ZSCAN30: variants seen among roughly 807,000 people sequenced by gnomAD.
ZSCAN30 encodes zinc finger and SCAN domain-containing protein 30.
A neutral mutation model predicts 44.3 loss-of-function variants in ZSCAN30; 37 were observed. The observed-to-expected ratio is 0.84, with a 90% CI of 0.64 to 1.10. The LOEUF (loss-of-function observed/expected upper bound fraction) is 1.10. Ranked by LOEUF, ZSCAN30 falls within the 50% of genes least tolerant of loss-of-function variation. ZSCAN30 has a pLI of 0.00. For missense variants in ZSCAN30, 549 were observed against 582.6 expected, an observed-to-expected ratio of 0.94 and a Z score of 0.59; for synonymous variants, 181 against 204.6, an observed-to-expected ratio of 0.88 and a Z score of 0.98.
chr18:35,267,486 ACCG>A (rs1250844733), intron 1 of ZSCAN30: 1 of 54,272 alleles, frequency 1.8e-5, no homozygotes, highest in Non-Finnish European at 7.4e-5. Flanking sequence ...CCTTCGCTCT[ACCG>A]GCGGCGGCGG....
At chr18:35,263,769 GA>G (rs915717295) in intron 2 of ZSCAN30, 112 bp from the exon 3 acceptor site, 12 of 1,420,618 alleles carry the variant, frequency 8.4e-6, no homozygotes, top group South Asian at 5.4e-5. Context: ...TGATTAGAGA[GA>G]AAAAAAACAG....
At chr18:35,284,681 G>A (rs566035025) in intron 1 of ZSCAN30, 1 of 155,216 alleles carries the variant, frequency 6.4e-6, no homozygotes, top group Non-Finnish European at 1.5e-5. Context: ...GCTGAGGTGG[G>A]GGTGCCTTCC....
intron 3 of ZSCAN30, chr18:35,258,869 CAAAAAAAAAAAAAAAAAAA>C (rs71166053): frequency 2.3e-4 from 7 of 30,638 alleles, no homozygotes; most frequent in South Asian, 2.9e-3. Flanking sequence ...GACTCCATCT[CAAAAAAAAAAAAAAAAAAA>C]AAAAAAAAAA....
rs767525502 is a variant in ZSCAN30 at position 35,251,201 on chromosome 18, T to C, written c.*2249A>G. 4 of 152,136 alleles carry C rather than the reference T, an allele frequency of 2.6e-5. No homozygotes were observed. The highest frequency in any genetic ancestry group is 5.9e-5 in the Non-Finnish European group (4 of 67,998). The allele number at this position is 152,136 out of a possible 1,614,324, so 9.4% of individuals were successfully genotyped here. ...CTAAAAATACTAGGATTGGGAAAAA[T>C]AAACACTAATAGAAAGTACTCCAAA... On this transcript the variant is annotated 3_prime_UTR_variant, in exon 4 of 4. Coordinates refer to ENST00000333206, the MANE Select transcript of ZSCAN30 (RefSeq NM_001112734.4).
In ZSCAN30 at chr18:35,253,744, G is replaced by A; in HGVS notation, c.1191C>T (p.Ser397=). 1 of 1,613,844 alleles carries A rather than the reference G, an allele frequency of 6.2e-7. No individual in the cohort carries two copies. Among genetic ancestry groups the A allele is most frequent in the Non-Finnish European group, 8.5e-7 (1 of 1,179,930 alleles). Residue 397 remains serine (S), a synonymous_variant, in exon 4 of 4, where the codon AGC becomes AGT. Transcript: ENST00000333206. ...CGECGKAFSR[S]SALIQHKKIH... ...TTTTCTTATGCTGAATAAGGGCTGA[G>A]CTCCGGCTGAAGGCCTTCCCACATT...
At chr18:35,266,975 T>C (rs2044166985) in intron 1 of ZSCAN30, 1 of 151,484 alleles carries the variant, frequency 6.6e-6, no homozygotes, top group Non-Finnish European at 1.5e-5. Flanking sequence ...CTTCTCTTAA[T>C]TTTTTAGTGT....
intron 1 of ZSCAN30, among the ~76,000 whole-genome samples, chr18:35,273,179 AT>A (rs1439510170): frequency 6.6e-6 from 1 of 152,164 alleles, no homozygotes; most frequent in Non-Finnish European, 1.5e-5. Context: ...CTCCATACCA[AT>A]TAAACAGTGA....
intron 1 of ZSCAN30, among the ~76,000 whole-genome samples, chr18:35,280,415 C>T (rs942781520): frequency 2.6e-5 from 4 of 152,076 alleles, no homozygotes; most frequent in Non-Finnish European, 5.9e-5. Flanking sequence ...CACATACACA[C>T]ACACACACAA....
Position 35,253,407 on chromosome 18 carries a change from G to T in ZSCAN30, c.*43C>A. 1 of 1,497,246 alleles carries T rather than the reference G, an allele frequency of 6.7e-7. No individual in the cohort carries two copies. The highest frequency in any genetic ancestry group is 1.4e-5 in the South Asian group (1 of 73,538). The allele number at this position is 1,497,246 out of a possible 1,614,324, so 92.7% of individuals were successfully genotyped here. ...TTCTGTGGAGTCTCACCCCTACAGT[G>T]AACTCCTTGCATTTCACAATTGTAC... On this transcript the variant is annotated 3_prime_UTR_variant, in exon 4 of 4. Transcript: ENST00000333206.
intron 1 of ZSCAN30, among the ~76,000 whole-genome samples, chr18:35,271,728 G>A (rs937558566): frequency 6.6e-6 from 1 of 152,226 alleles, no homozygotes; most frequent in Admixed American, 6.5e-5. Flanking sequence ...GGAGGCTCCA[G>A]CTGCGTGGGA....
intron 1 of ZSCAN30, among the ~76,000 whole-genome samples, chr18:35,265,387 A>G (rs1007267131): frequency 1.2e-4 from 19 of 152,180 alleles, no homozygotes; most frequent in African/African-American, 4.1e-4. Flanking sequence ...TATCATCTCA[A>G]TTTTACAAAT....
intron 1 of ZSCAN30, among the ~76,000 whole-genome samples, chr18:35,276,007 A>C (rs1276934519): frequency 6.6e-6 from 1 of 152,186 alleles, no homozygotes; most frequent in Non-Finnish European, 1.5e-5. Flanking sequence ...CCTGGGATAA[A>C]TTCCACTTGG....
chr18:35,270,824 G>C (rs527568061), intron 1 of ZSCAN30, among the ~76,000 whole-genome samples: 1 of 152,342 alleles, frequency 6.6e-6, no homozygotes, highest in African/African-American at 2.4e-5. Flanking sequence ...AGTTCTTAAA[G>C]ATGGTGTGTC....
rs761675671 is a variant in ZSCAN30 at position 35,253,767 on chromosome 18, A to C, written c.1168T>G (p.Cys390Gly). Reference sequence around the variant, plus strand: ...GAGCTCCGGCTGAAGGCCTTCCCACATTCTCCACATTCATAAGGCTTCTCT... The same window carrying C: ...GAGCTCCGGCTGAAGGCCTTCCCACCTTCTCCACATTCATAAGGCTTCTCT... ...TGEKPYECGE[C>G]GKAFSRSSAL... The change falls in exon 4 of 4, where the codon TGT becomes GGT. Residue 390 changes from cysteine to glycine, a missense_variant. Transcript: ENST00000333206. The C allele has an allele frequency of 6.2e-7, 1 of 1,614,134 alleles. No individual in the cohort carries two copies. Among genetic ancestry groups the C allele is most frequent in the East Asian group, 2.2e-5 (1 of 44,878 alleles).
chr18:35,253,522 A>G lies in ZSCAN30; in HGVS notation c.1413T>C (p.Cys471=), dbSNP rs1247818407. ...GCCTAAATGTTTTTCTACATTCACT[A>G]CATTCATAAGGCTTCTCTCCAGTGT... is the stretch of plus-strand genomic sequence containing the variant. The part of the protein sequence containing the change: ...RIHTGEKPYE[C]SECRKTFRHR... The change falls in exon 4 of 4, where the codon TGT becomes TGC. Residue 471 remains cysteine (C), a synonymous_variant. Coordinates refer to ENST00000333206, the MANE Select transcript of ZSCAN30 (RefSeq NM_001112734.4). The G allele has an allele frequency of 1.2e-6, 2 of 1,612,896 alleles. No individual in the cohort carries two copies. The highest frequency in any genetic ancestry group is 1.1e-5 in the South Asian group (1 of 91,046).
chr18:35,256,607 C>T (rs1361395564), intron 3 of ZSCAN30, among the ~76,000 whole-genome samples: 1 of 151,942 alleles, frequency 6.6e-6, no homozygotes, highest in African/African-American at 2.4e-5. Flanking sequence ...GAAATACTTG[C>T]ATAGAGAGAA....
rs2043700831 is a variant in ZSCAN30 at position 35,254,101 on chromosome 18, A to G, written c.834T>C (p.Ser278=). ...TEHSVLESHE[S]EGSFSMNSND... ...TTGAATTCATACTGAAACTTCCTTC[A>G]CTCTCATGAGATTCAAGGACACTGT... The change falls in exon 4 of 4, where the codon AGT becomes AGC. Residue 278 remains serine (S), a synonymous_variant. Transcript: ENST00000333206. 1 of 1,613,800 alleles carries G rather than the reference A, an allele frequency of 6.2e-7. No homozygotes were observed. The highest frequency in any genetic ancestry group is 1.1e-5 in the South Asian group (1 of 91,068).
chr18:35,283,208 C>T (rs967789737), intron 1 of ZSCAN30: 1 of 150,988 alleles, frequency 6.6e-6, no homozygotes, highest in Non-Finnish European at 1.5e-5. Context: ...CATGGTGAGA[C>T]CCCGTCTCTA....
intron 1 of ZSCAN30, among the ~76,000 whole-genome samples, chr18:35,280,013 T>C (rs184051773): frequency 1.4e-4 from 21 of 152,220 alleles, no homozygotes; most frequent in Admixed American, 2.0e-4. Context: ...CAGTGGCTCA[T>C]GCCTGTAATC....
Sources: gnomAD v4.1 joint callset for allele counts (sites outside exome capture counted in the v4.1 genomes callset) on GRCh38, gnomAD v4.1.1 for gene constraint, MANE v1.5 for transcripts, NCBI Gene and HGNC (gene_info 2026-07-23, HGNC 2026-07-21) for gene names.